Variants in MKLN1 observed in about 807,000 individuals in gnomAD.
The protein encoded by MKLN1 is muskelin.
A neutral mutation model predicts 99.0 loss-of-function variants in MKLN1; 18 were observed. That is an observed-to-expected ratio of 0.18 (90% confidence interval 0.13 to 0.27). The LOEUF is 0.27. Ranked by LOEUF, MKLN1 falls within the 10% of genes least tolerant of loss-of-function variation. MKLN1 has a pLI of 1.00. For missense variants in MKLN1, 621 were observed against 875.9 expected (o/e 0.71, Z 3.67); for synonymous variants, 288 against 293.2 (o/e 0.98, Z 0.18).
rs1046868554 is a variant in MKLN1 at position 131,397,469 on chromosome 7, AAAT to A, written c.510+102_510+104del. 3.0e-5 allele frequency: 20 copies of A among 675,504 alleles called. No homozygotes were observed. The East Asian group carries it at 4.7e-4, about 16-fold the overall frequency. 41.8% of individuals were successfully genotyped at this position (675,504 alleles called of 1,614,324 possible). A position where few individuals can be genotyped will look rare whatever the true frequency, so the allele number is the denominator to read the frequency against. On this transcript the variant is annotated intron_variant, in intron 5 of 17. Transcript: ENST00000352689. ...CATTGAGAATAATTTAAAATATTCA[AAAT>A]AATAATAACAACAGTTAGCTAACAT...
chr7:131,179,528 C>T (rs1023290162), intron 2 of MKLN1, among the ~76,000 whole-genome samples: 5 of 151,786 alleles, frequency 3.3e-5, no homozygotes, highest in African/African-American at 1.2e-4. Flanking sequence ...GGCTTGCTAT[C>T]TCCATTGCAT....
intron 1 of MKLN1, among the ~76,000 whole-genome samples, chr7:131,142,410 CA>C (rs35890144): frequency 1.5e-4 from 21 of 138,534 alleles, no homozygotes; most frequent in Admixed American, 4.4e-4. Context: ...GACTCCATTT[CA>C]AAAAAAAAAA....
chr7:131,167,746 G>T (rs1253919487), intron 2 of MKLN1, among the ~76,000 whole-genome samples: 1 of 151,248 alleles, frequency 6.6e-6, no homozygotes, highest in East Asian at 1.9e-4. Context: ...ATGATATCAA[G>T]AAATTGGAAA....
At chr7:131,168,398 G>T (rs1037458338) in intron 2 of MKLN1, among the ~76,000 whole-genome samples, 1 of 151,804 alleles carries the variant, frequency 6.6e-6, no homozygotes, top group Non-Finnish European at 1.5e-5. Context: ...AACAATAAAG[G>T]CTTTAAAAAA....
chr7:131,338,106 T>TG (rs1799303425), intron 1 of MKLN1, among the ~76,000 whole-genome samples: 1 of 152,360 alleles, frequency 6.6e-6, no homozygotes, highest in South Asian at 2.1e-4. Flanking sequence ...AGGGCTTCTC[T>TG]GGCTTTTTTT....
chr7:131,484,450 A>G (rs1007318015), intron 17 of MKLN1, among the ~76,000 whole-genome samples: 1 of 152,148 alleles, frequency 6.6e-6, no homozygotes, highest in African/African-American at 2.4e-5. Context: ...AGATTATTGA[A>G]TCTCTCTAAG....
chr7:131,365,084 C>T (rs1563312927), intron 1 of MKLN1, among the ~76,000 whole-genome samples: 1 of 152,164 alleles, frequency 6.6e-6, no homozygotes, highest in African/African-American at 2.4e-5. Context: ...CTCCCACTAA[C>T]AGTGTGTTCC....
At chr7:131,360,531 AAC>A (rs1799998729) in intron 1 of MKLN1, among the ~76,000 whole-genome samples, 1 of 152,218 alleles carries the variant, frequency 6.6e-6, no homozygotes, top group Admixed American at 6.6e-5. Context: ...AGCTTTAAAT[AAC>A]AGTGTACTAT....
At chr7:131,395,741 T>C (rs1466957691) in intron 4 of MKLN1, among the ~76,000 whole-genome samples, 1 of 151,644 alleles carries the variant, frequency 6.6e-6, no homozygotes, top group African/African-American at 2.4e-5. Flanking sequence ...TAGTTTTGAC[T>C]ACGTGGGACC....
At chr7:131,170,868 A>G (rs975346298) in intron 2 of MKLN1, among the ~76,000 whole-genome samples, 1 of 152,216 alleles carries the variant, frequency 6.6e-6, no homozygotes, top group African/African-American at 2.4e-5. Context: ...ATCATAGTAC[A>G]TTTTAATTTT....
intron 2 of MKLN1, among the ~76,000 whole-genome samples, chr7:131,182,348 C>G (rs559653402): frequency 6.6e-6 from 1 of 152,308 alleles, no homozygotes; most frequent in South Asian, 2.1e-4. Context: ...GAAGACAATG[C>G]TTACCACAGC....
chr7:131,174,622 G>A (rs1009154189), intron 2 of MKLN1, among the ~76,000 whole-genome samples: 1 of 152,182 alleles, frequency 6.6e-6, no homozygotes, highest in Non-Finnish European at 1.5e-5. Context: ...AGGAATGCAA[G>A]ATGATCCTGT....
At chr7:131,451,435 C>T (rs905772944) in intron 12 of MKLN1, among the ~76,000 whole-genome samples, 1 of 151,350 alleles carries the variant, frequency 6.6e-6, no homozygotes, top group African/African-American at 2.4e-5. Context: ...TTGAGATCAC[C>T]GAGATGGTAT....
At chr7:131,434,583 T>C (rs1276023855) in intron 9 of MKLN1, among the ~76,000 whole-genome samples, 2 of 152,112 alleles carry the variant, frequency 1.3e-5, no homozygotes, top group African/African-American at 4.8e-5. Context: ...TGAGACAGAG[T>C]CTTTCTGTTG....
chr7:131,147,495 A>C (rs1795832142), intron 2 of MKLN1, among the ~76,000 whole-genome samples: 1 of 152,202 alleles, frequency 6.6e-6, no homozygotes, highest in Admixed American at 6.5e-5. Flanking sequence ...TGAGCTCCCC[A>C]GGGTCATATA....
chr7:131,352,264 C>T (rs923712901), intron 1 of MKLN1, among the ~76,000 whole-genome samples: 2 of 152,116 alleles, frequency 1.3e-5, no homozygotes, highest in Non-Finnish European at 2.9e-5. Context: ...TTTGACATGA[C>T]CCCATTCTTT....
At chr7:131,290,990 A>G (rs1410107368) in intron 3 of MKLN1, among the ~76,000 whole-genome samples, 2 of 152,206 alleles carry the variant, frequency 1.3e-5, no homozygotes, top group East Asian at 1.9e-4. Context: ...CATCATCACC[A>G]TGGTACAGAT....
At chr7:131,291,388 C>T (rs570129211) in intron 3 of MKLN1, among the ~76,000 whole-genome samples, 6 of 151,826 alleles carry the variant, frequency 4.0e-5, no homozygotes, top group African/African-American at 1.4e-4. Flanking sequence ...GCCTCAGCCT[C>T]CCAAAGTGCT....
chr7:131,123,998 A>T (rs902177805), intron 1 of MKLN1, among the ~76,000 whole-genome samples: 3 of 152,182 alleles, frequency 2.0e-5, no homozygotes, highest in African/African-American at 7.2e-5. Flanking sequence ...AGTCAGACAA[A>T]ACTAAGTTTA....
Sources: gnomAD v4.1 joint callset for allele counts (sites outside exome capture counted in the v4.1 genomes callset) on GRCh38, gnomAD v4.1.1 for gene constraint, MANE v1.5 for transcripts, NCBI Gene and HGNC (gene_info 2026-07-23, HGNC 2026-07-21) for gene names.